The following PREX1 variants were observed in gnomAD, a reference collection of about 807,000 sequenced individuals.
PREX1 encodes the protein phosphatidylinositol 3,4,5-trisphosphate-dependent Rac exchanger 1 protein.
In PREX1, 41 loss-of-function variants were observed where a neutral mutation model predicts 198.3. The observed-to-expected ratio is 0.21, with a 90% CI of 0.16 to 0.27. The LOEUF (loss-of-function observed/expected upper bound fraction) is 0.27, where lower values mean the gene tolerates loss of function less well. Among genes scored for constraint, PREX1 ranks in the 10% least tolerant of loss-of-function variants. PREX1 has a pLI of 1.00. For synonymous variants in PREX1, 843 were observed against 887.2 expected, an observed-to-expected ratio of 0.95 and a Z score of 0.89; for missense variants, 1,620 against 2,200.7, an observed-to-expected ratio of 0.74 and a Z score of 5.28.
chr20:48,643,978 T>C (rs1227947123), intron 27 of PREX1, among the ~76,000 whole-genome samples: 1 of 152,238 alleles, frequency 6.6e-6, no homozygotes, highest in Non-Finnish European at 1.5e-5. Flanking sequence ...CGCTCAGCCA[T>C]GGGTACTTCT....
chr20:48,667,599 T>C (rs1755278287), intron 14 of PREX1, among the ~76,000 whole-genome samples: 1 of 152,238 alleles, frequency 6.6e-6, no homozygotes, highest in Non-Finnish European at 1.5e-5. Context: ...TAAGCCACTG[T>C]TCAGTTGGGC....
At chr20:48,836,906 A>G in the PREX1 span, among the ~76,000 whole-genome samples, 1 of 148,820 alleles carries the variant, frequency 6.7e-6, no homozygotes, top group Non-Finnish European at 1.5e-5. Flanking sequence ...TGTCTCCAAA[A>G]AAAAAAAAAA....
intron 1 of PREX1, among the ~76,000 whole-genome samples, chr20:48,754,237 C>A (rs1045505522): frequency 6.6e-6 from 1 of 152,212 alleles, no homozygotes; most frequent in Non-Finnish European, 1.5e-5. Context: ...TCCTCAAACT[C>A]GAGGAGGCAG....
intron 5 of PREX1, among the ~76,000 whole-genome samples, chr20:48,718,232 A>T (rs1317772193): frequency 6.6e-6 from 1 of 152,178 alleles, no homozygotes; most frequent in Admixed American, 6.5e-5. Context: ...AGCACGGCTC[A>T]CCGTGAAGTT....
intron 3 of PREX1, among the ~76,000 whole-genome samples, chr20:48,741,642 C>T (rs758460790): frequency 3.3e-5 from 5 of 152,086 alleles, no homozygotes; most frequent in Admixed American, 6.6e-5. Flanking sequence ...GCAAAAGATC[C>T]GATGTGTCAA....
At chr20:48,769,044 T>C (rs1057482735) in intron 1 of PREX1, among the ~76,000 whole-genome samples, 3 of 152,142 alleles carry the variant, frequency 2.0e-5, no homozygotes, top group African/African-American at 7.2e-5. Flanking sequence ...GCTCAAGCCC[T>C]GAGGGCCAAT....
chr20:48,681,564 C>G (rs2089750754), intron 10 of PREX1, among the ~76,000 whole-genome samples: 1 of 151,648 alleles, frequency 6.6e-6, no homozygotes, highest in African/African-American at 2.4e-5. Context: ...CTCAGGCTCA[C>G]TGGATGGATG....
chr20:48,656,403 G>A, intron 18 of PREX1: 2 of 365,412 alleles, frequency 5.5e-6, no homozygotes, highest in Admixed American at 6.1e-5. Context: ...CTCCCCATGG[G>A]TCCTTGCCAG....
intron 20 of PREX1, 100 bp downstream of exon 20, chr20:48,653,261 G>C (rs1750848953): frequency 2.0e-6 from 3 of 1,513,254 alleles, no homozygotes; most frequent in Admixed American, 1.8e-5. Flanking sequence ...CTCACAACCA[G>C]TGGTACATGC....
intron 5 of PREX1, among the ~76,000 whole-genome samples, chr20:48,719,534 C>A (rs2123112656): frequency 6.6e-6 from 1 of 152,270 alleles, no homozygotes. Flanking sequence ...GCTTTCTCAG[C>A]AAGACGGTGA....
At chr20:48,647,882 C>A (rs764034970) in intron 25 of PREX1, among the ~76,000 whole-genome samples, 11 of 152,148 alleles carry the variant, frequency 7.2e-5, no homozygotes, top group African/African-American at 2.4e-4. Flanking sequence ...CCCCCATGAT[C>A]CCCATCACTT....
chr20:48,795,259 A>T (rs1432018084), intron 1 of PREX1, among the ~76,000 whole-genome samples: 1 of 152,056 alleles, frequency 6.6e-6, no homozygotes, highest in African/African-American at 2.4e-5. Flanking sequence ...AAGACAAATG[A>T]CTCAACCCCT....
At chr20:48,856,639 T>C in the PREX1 span, among the ~76,000 whole-genome samples, 2 of 152,200 alleles carry the variant, frequency 1.3e-5, no homozygotes, top group African/African-American at 4.8e-5. Flanking sequence ...TTCTTTTCTT[T>C]TCTTCCTAAA....
chr20:48,865,189 T>G, the PREX1 span, among the ~76,000 whole-genome samples: 48,705 of 152,012 alleles, frequency 0.32, 8,056 homozygotes, highest in African/African-American at 0.39. Flanking sequence ...AGCAGTTTTC[T>G]AAAACAATTG....
At chr20:48,724,767 C>T (rs1341059977) in intron 5 of PREX1, among the ~76,000 whole-genome samples, 1 of 152,222 alleles carries the variant, frequency 6.6e-6, no homozygotes, top group East Asian at 1.9e-4. Context: ...GGTAGCTAAT[C>T]CAAGTTCGAA....
At position 48,781,598 on chromosome 20, in the gene PREX1, C is replaced by G. The variant is rs376109990; in HGVS notation, c.220-33718G>C. Among the ~76,000 whole-genome samples the G allele has an allele frequency of 8.3e-4, 127 of 152,186 alleles. 1 individual carries two copies. The South Asian group carries it at 0.015, about 18-fold the overall frequency. On this transcript the variant is annotated intron_variant, in intron 1 of 39. Coordinates refer to ENST00000371941, the MANE Select transcript of PREX1 (RefSeq NM_020820.4). ...AGAAGAGTCCCCAAGTCAGACACCC[C>G]CTGCCTCATCCCCCTAATTTGTTTT...
chr20:48,726,390 C>T lies in PREX1; in HGVS notation c.521G>A (p.Ser174Asn), dbSNP rs1308943019. The change falls in exon 5 of 40, where the codon AGC (serine) becomes AAC (asparagine). Residue 174 changes from serine to asparagine, a missense_variant and splice_region_variant. This residue lies in a region of PREX1 where 488 missense variants were observed against 802.5 expected (regional missense o/e 0.61). Coordinates refer to ENST00000371941, the MANE Select transcript of PREX1 (RefSeq NM_020820.4). ...KIPTVRAFLL[S>N]CMLLGGRKTT... ...CTTCCGGCCTCCCAGAAGCATGCAG[C>T]TCTGCAAAGGGACAGGAGACCTTCA... 6.2e-7 allele frequency: 1 copy of T among 1,611,498 alleles called. No homozygotes were observed. Among genetic ancestry groups the T allele is most frequent in the Non-Finnish European group, 8.5e-7 (1 of 1,178,668 alleles).
At chr20:48,835,447 G>A in the PREX1 span, among the ~76,000 whole-genome samples, 4 of 152,146 alleles carry the variant, frequency 2.6e-5, no homozygotes, top group Non-Finnish European at 5.9e-5. Context: ...TAAGAGTTAC[G>A]GAGAAAAACA....
intron 1 of PREX1, among the ~76,000 whole-genome samples, chr20:48,794,796 A>G (rs1029159160): frequency 3.9e-5 from 6 of 152,194 alleles, no homozygotes; most frequent in Admixed American, 6.5e-5. Context: ...AGTGCTATTT[A>G]ACATTTATTG....
Sources: allele counts gnomAD v4.1 joint callset (sites outside exome capture counted in the v4.1 genomes callset), GRCh38; gene constraint gnomAD v4.1.1; regional missense constraint gnomAD v4.1.1; transcripts MANE v1.5; gene names NCBI Gene and HGNC (gene_info 2026-07-23, HGNC 2026-07-21).